Variants in TBX20 observed in about 807,000 individuals in gnomAD.
TBX20 encodes the protein T-box transcription factor 20.
Under a neutral mutation model 42.9 loss-of-function variants are expected in TBX20, and 8 were observed. The ratio of observed to expected loss-of-function variants is 0.19; its 90% CI spans 0.11 to 0.34. The LOEUF (loss-of-function observed/expected upper bound fraction) is 0.34. TBX20 is among the 10% of genes least tolerant of loss of function. The pLI, the probability that TBX20 is intolerant of heterozygous loss-of-function variation, is 1.00. For synonymous variants in TBX20, 198 were observed against 222.8 expected (o/e 0.89, Z 0.99); for missense variants, 411 against 566.0 (o/e 0.73, Z 2.78).
chr7:35,250,505 G>C (rs908206289), intron 1 of TBX20, among the ~76,000 whole-genome samples: 4 of 152,218 alleles, frequency 2.6e-5, no homozygotes, highest in African/African-American at 9.6e-5. Flanking sequence ...GAAGGGTGAT[G>C]ATCATGAGGG....
At chr7:35,244,854 T>G in intron 4 of TBX20, 95 bp downstream of exon 4, 1 of 837,366 alleles carries the variant, frequency 1.2e-6, no homozygotes, top group Non-Finnish European at 2.1e-6. Flanking sequence ...GGGAAGGGGA[T>G]AGGGAAGGCA....
chr7:35,217,498 G>A (rs2128711584), intron 6 of TBX20, among the ~76,000 whole-genome samples: 1 of 152,242 alleles, frequency 6.6e-6, no homozygotes, highest in South Asian at 2.1e-4. Context: ...CACTGGTCCG[G>A]CACTTCCAGT....
intron 6 of TBX20, among the ~76,000 whole-genome samples, chr7:35,210,033 G>A (rs1354442930): frequency 6.6e-6 from 1 of 151,894 alleles, no homozygotes; most frequent in Non-Finnish European, 1.5e-5. Flanking sequence ...TGACTTGAAT[G>A]CCCTTAAATT....
At chr7:35,229,568 G>A (rs1291560346) in intron 6 of TBX20, among the ~76,000 whole-genome samples, 3 of 152,192 alleles carry the variant, frequency 2.0e-5, no homozygotes. Context: ...ACATGTGAGT[G>A]CTCCCACATC....
intron 5 of TBX20, among the ~76,000 whole-genome samples, chr7:35,235,133 A>G (rs1246482248): frequency 5.9e-5 from 9 of 152,052 alleles, no homozygotes; most frequent in Non-Finnish European, 1.2e-4. Flanking sequence ...AGATAAAATA[A>G]TTTTTAAATA....
At chr7:35,244,912 C>T (rs1444295722) in intron 4 of TBX20, 37 bp downstream of exon 4, 1 of 1,507,342 alleles carries the variant, frequency 6.6e-7, no homozygotes, top group Non-Finnish European at 9.2e-7. Context: ...TCCATTCTAC[C>T]TCAGGGAACC....
At chr7:35,233,876 T>G (rs1322781204) in intron 5 of TBX20, among the ~76,000 whole-genome samples, 3 of 152,202 alleles carry the variant, frequency 2.0e-5, no homozygotes, top group African/African-American at 4.8e-5. Flanking sequence ...GCGCTAGATG[T>G]CGGATGACAT....
At position 35,208,742 on chromosome 7, in the gene TBX20, CAAAAAAAAAAAAAAAAAAA is replaced by C. The variant is rs766060288; in HGVS notation, c.891-4179_891-4161del. 5.5e-3 allele frequency among the ~76,000 whole-genome samples: 117 copies of C among 21,122 alleles called. 1 individual carries two copies. In the South Asian group the frequency reaches 0.098, roughly 18 times the overall value. 13.9% of individuals were successfully genotyped at this position (21,122 alleles called of 152,430 possible). On this transcript the variant is annotated intron_variant, in intron 6 of 7. Transcript: ENST00000408931. Reference sequence around the variant, plus strand: ...GGGCAACAAGAGCGAAACTCCGTCTCAAAAAAAAAAAAAAAAAAAAAAAAAAAAAAAAAAAAAAAAGAAC... The same window carrying C: ...GGGCAACAAGAGCGAAACTCCGTCTCAAAAAAAAAAAAAAAAAAAAAGAAC...
rs1441350384 is a variant in TBX20 at position 35,249,009 on chromosome 7, A to T, written c.381-168T>A. ...TTTGTTTAAAGCCTCAGAGAAGTGAATACAGAGACAGGGTTTTCTTCCAAG... is the reference window on the plus strand; with the variant it reads ...TTTGTTTAAAGCCTCAGAGAAGTGATTACAGAGACAGGGTTTTCTTCCAAG... On this transcript the variant is annotated intron_variant, in intron 2 of 7. Coordinates refer to ENST00000408931, the MANE Select transcript of TBX20 (RefSeq NM_001077653.2). This position sits in a 1 kb window ranked among gnomAD's most constrained non-coding sequence, Gnocchi z 4.3. Among the ~76,000 whole-genome samples, 3 of 150,890 alleles carry T rather than the reference A, an allele frequency of 2.0e-5. No homozygotes were observed. The highest frequency in any genetic ancestry group is 2.1e-4 in the South Asian group (1 of 4,762).
At chr7:35,222,329 G>T (rs1789697327) in intron 6 of TBX20, among the ~76,000 whole-genome samples, 1 of 151,582 alleles carries the variant, frequency 6.6e-6, no homozygotes, top group Admixed American at 6.6e-5. Flanking sequence ...AATAATAAAG[G>T]GAAAAAACTT....
intron 6 of TBX20, among the ~76,000 whole-genome samples, chr7:35,209,758 G>C (rs1789462076): frequency 6.6e-6 from 1 of 152,054 alleles, no homozygotes; most frequent in Non-Finnish European, 1.5e-5. Flanking sequence ...TTATTGATTT[G>C]GGACCTTTCA....
intron 4 of TBX20, among the ~76,000 whole-genome samples, chr7:35,242,799 CTCAAGAAATAA>C (rs1233130904): frequency 5.3e-5 from 8 of 152,162 alleles, no homozygotes; most frequent in Non-Finnish European, 1.2e-4. Flanking sequence ...CTCTGCTTCA[CTCAAGAAATAA>C]TTCTTGAGAA....
At chr7:35,240,806 C>T in intron 5 of TBX20, 73 bp downstream of exon 5, 1 of 1,400,850 alleles carries the variant, frequency 7.1e-7, no homozygotes, top group Non-Finnish European at 1.0e-6. Context: ...GATATCTCTT[C>T]TCTCCAAGAA....
chr7:35,235,504 T>C (rs999278239), intron 5 of TBX20, among the ~76,000 whole-genome samples: 5 of 152,204 alleles, frequency 3.3e-5, no homozygotes, highest in African/African-American at 9.6e-5. Flanking sequence ...ACCAGAGATA[T>C]GGCTTCTTTA....
At position 35,250,139 on chromosome 7, in the gene TBX20, A is replaced by G; in HGVS notation, c.192T>C (p.His64=). 1 of 1,614,044 alleles carries G rather than the reference A, an allele frequency of 6.2e-7. No homozygotes were observed. Among genetic ancestry groups the G allele is most frequent in the East Asian group, 2.2e-5 (1 of 44,864 alleles). The change falls in exon 2 of 8, where the codon CAT becomes CAC. Residue 64 remains histidine (H), a synonymous_variant. Coordinates refer to ENST00000408931, the MANE Select transcript of TBX20 (RefSeq NM_001077653.2). The part of the protein sequence containing the change: ...PLGELTSLDA[H]GEFGGGSGSS... Reference sequence around the variant, plus strand: ...TGCCACTGCCTCCACCAAACTCCCCATGAGCATCCAGGCTGGTCAGCTCAC... The same window carrying G: ...TGCCACTGCCTCCACCAAACTCCCCGTGAGCATCCAGGCTGGTCAGCTCAC...
chr7:35,234,894 G>C (rs1205072586), intron 5 of TBX20, among the ~76,000 whole-genome samples: 2 of 152,098 alleles, frequency 1.3e-5, no homozygotes, highest in East Asian at 3.9e-4. Flanking sequence ...ATAATTAGCA[G>C]CACAGAGATT....
chr7:35,206,600 A>G (rs1347946672), intron 6 of TBX20, among the ~76,000 whole-genome samples: 1 of 152,184 alleles, frequency 6.6e-6, no homozygotes, highest in Non-Finnish European at 1.5e-5. Flanking sequence ...GGGCATATGT[A>G]CGCACCACTG....
chr7:35,202,785 A>G lies in TBX20; in HGVS notation c.1004-15T>C, dbSNP rs1422664279. The G allele has an allele frequency of 1.0e-5, 16 of 1,537,056 alleles. No individual in the cohort carries two copies. The East Asian group carries it at 3.4e-4, about 33-fold the overall frequency. On this transcript the variant is annotated splice_polypyrimidine_tract_variant and intron_variant, in intron 7 of 7. Coordinates refer to ENST00000408931, the MANE Select transcript of TBX20 (RefSeq NM_001077653.2). The stretch of plus-strand genomic sequence containing the variant: ...AAAGGCTGACCCTGTAAGGAAAAAC[A>G]CTCATTAGACTGGAAACACTGTGTC...
chr7:35,220,071 G>A (rs1186873887), intron 6 of TBX20, among the ~76,000 whole-genome samples: 1 of 152,054 alleles, frequency 6.6e-6, no homozygotes, highest in African/African-American at 2.4e-5. Flanking sequence ...AATGAGGGAG[G>A]GTGCCAACTA....
Sources: allele counts gnomAD v4.1 joint callset (sites outside exome capture counted in the v4.1 genomes callset), GRCh38; gene constraint gnomAD v4.1.1; non-coding constraint Gnocchi (gnomAD v3.1); transcripts MANE v1.5; gene names NCBI Gene and HGNC (gene_info 2026-07-23, HGNC 2026-07-21).